Variants in ARHGEF18 observed in about 807,000 individuals in gnomAD.
The protein encoded by ARHGEF18 is rho guanine nucleotide exchange factor 18.
In ARHGEF18, 93 loss-of-function variants were observed where a neutral mutation model predicts 155.7. The observed-to-expected ratio is 0.60, with a 90% CI of 0.50 to 0.71. The LOEUF is 0.71. Ranked by LOEUF, ARHGEF18 falls within the 30% of genes least tolerant of loss-of-function variation. ARHGEF18 has a pLI of 0.00. For synonymous variants in ARHGEF18, 742 were observed against 753.1 expected (o/e 0.99, Z 0.24); for missense variants, 1,593 against 1,816.1 (o/e 0.88, Z 2.23).
downstream of ARHGEF18, among the ~76,000 whole-genome samples, chr19:7,474,199 C>T (rs987464057): frequency 3.0e-4 from 46 of 151,846 alleles, no homozygotes; most frequent in African/African-American, 1.1e-3. Flanking sequence ...ATCAGCCGGG[C>T]GTGGTGGCAA....
chr19:7,383,725 T>C (rs149180392), intron 10 of ARHGEF18, among the ~76,000 whole-genome samples: 220 of 151,430 alleles, frequency 1.5e-3, no homozygotes, highest in African/African-American at 4.9e-3. Flanking sequence ...CACACTCCAG[T>C]GTGGCCTCAG....
chr19:7,400,821 C>A (rs1339786736), intron 10 of ARHGEF18, among the ~76,000 whole-genome samples: 1 of 152,038 alleles, frequency 6.6e-6, no homozygotes, highest in Non-Finnish European at 1.5e-5. Flanking sequence ...GGCAACAGAG[C>A]AAGACCCTAT....
intron 10 of ARHGEF18, among the ~76,000 whole-genome samples, chr19:7,407,983 A>AAAAAAAAAAAAAC (rs1555711562): frequency 7.0e-6 from 1 of 141,866 alleles, no homozygotes; most frequent in African/African-American, 3.1e-5. Flanking sequence ...AAAAAAAAAA[A>AAAAAAAAAAAAAC]AAAAGAGGTA....
intron 8 of ARHGEF18, among the ~76,000 whole-genome samples, chr19:7,381,768 TGATAGGATGGG>T (rs1970756297): frequency 6.6e-6 from 1 of 152,032 alleles, no homozygotes; most frequent in African/African-American, 2.4e-5. Context: ...TCAGTTCTGG[TGATAGGATGGG>T]GACAGTATGA....
chr19:7,418,124 C>A (rs1449726644), intron 10 of ARHGEF18, among the ~76,000 whole-genome samples: 1 of 152,066 alleles, frequency 6.6e-6, no homozygotes, highest in African/African-American at 2.4e-5. Flanking sequence ...CCAGCAGCTA[C>A]GGAGGAAGTG....
In ARHGEF18 at chr19:7,455,005, A is replaced by C. The variant is rs538296258; in HGVS notation, c.2104+1290A>C. Among the ~76,000 whole-genome samples, 13 of 152,326 alleles carry C rather than the reference A, an allele frequency of 8.5e-5. No homozygotes were observed. In the East Asian group the frequency reaches 2.3e-3, roughly 27 times the overall value. On this transcript the variant is annotated intron_variant, in intron 17 of 28. Coordinates refer to ENST00000668164, the MANE Select transcript of ARHGEF18 (RefSeq NM_001367823.1). ...CAAGACCCATGTTGCAGTTCAGACC[A>C]GAGAGTGCTCAGGATTCATTCCTGG...
chr19:7,386,339 T>C (rs1214071410), intron 10 of ARHGEF18, among the ~76,000 whole-genome samples: 3 of 150,798 alleles, frequency 2.0e-5, no homozygotes, highest in Non-Finnish European at 3.0e-5. Flanking sequence ...GGGGCTGTGG[T>C]GTGGGGCCGC....
intron 16 of ARHGEF18, 96 bp downstream of exon 16, chr19:7,451,362 A>T: frequency 3.0e-6 from 3 of 993,360 alleles, no homozygotes; most frequent in Non-Finnish European, 4.4e-6. Flanking sequence ...AACTGAATAA[A>T]TTCCCTTTGA....
chr19:7,446,911 AG>A (rs201342740), intron 14 of ARHGEF18, 131 bp from the exon 15 acceptor site: 62,495 of 846,646 alleles, frequency 0.074, 2,199 homozygotes, highest in African/African-American at 0.25. Context: ...AAAAAAAAAA[AG>A]AAGAAGAAAG....
intron 10 of ARHGEF18, among the ~76,000 whole-genome samples, chr19:7,397,719 C>T (rs1366326181): frequency 1.8e-4 from 27 of 150,410 alleles, no homozygotes; most frequent in East Asian, 2.0e-4. Context: ...GGCAACAGAA[C>T]GAGATTCCAT....
At position 7,470,019 on chromosome 19, in the gene ARHGEF18, G is replaced by C. The variant is rs1415418528; in HGVS notation, c.3903G>C (p.Ala1301=). The change falls in exon 28 of 29, where the codon GCG becomes GCC. Residue 1301 remains alanine (A), a synonymous_variant. Transcript: ENST00000668164. This position sits in a 1 kb window ranked among gnomAD's most constrained non-coding sequence, Gnocchi z 5.9. ...TCCTGCCCGGCAGACACAGTCCTGC[G>C]CCCCCACCAGGTGAGCCCCCACCCC... ...SPILPGRHSP[A]PPPDPGFPAP... is the part of the protein sequence containing the mutation. 6.2e-7 allele frequency: 1 copy of C among 1,612,762 alleles called. No individual in the cohort carries two copies.
rs1202668526 is a variant in ARHGEF18, at chr19:7,471,894, C to T, written c.*1596C>T. The T allele has an allele frequency of 6.6e-6, 1 of 152,506 alleles. No homozygotes were observed. Among genetic ancestry groups the T allele is most frequent in the Non-Finnish European group, 1.5e-5 (1 of 68,132 alleles). 9.4% of individuals were successfully genotyped at this position (152,506 alleles called of 1,614,324 possible). A position where few individuals can be genotyped will look rare whatever the true frequency, so the allele number is the denominator to read the frequency against. ...CCTGGCCCCTCCGACGACCTCAACT[C>T]TGCCCAGCCCGGTCCCTGGCCATCA... On this transcript the variant is annotated 3_prime_UTR_variant, in exon 29 of 29. Coordinates refer to ENST00000668164, the MANE Select transcript of ARHGEF18 (RefSeq NM_001367823.1). This position sits in a 1 kb window ranked among gnomAD's most constrained non-coding sequence, Gnocchi z 4.4.
rs142223031 is a variant in ARHGEF18 at position 7,433,553 on chromosome 19, C to CATCACTTTG, written c.968-6789_968-6781dup. On this transcript the variant is annotated intron_variant, in intron 10 of 28. Coordinates refer to ENST00000668164, the MANE Select transcript of ARHGEF18 (RefSeq NM_001367823.1). ...AAAAAGTGTATCAGGTTTTCTTGGA[C>CATCACTTTG]ATCACTTTGAACAGGCTAGTAACTA... Among the ~76,000 whole-genome samples, 1,289 of 135,400 alleles carry CATCACTTTG rather than the reference C, an allele frequency of 9.5e-3. 22 individuals carry two copies. The highest frequency in any genetic ancestry group is 0.034 in the African/African-American group (1,240 of 36,650). The allele number at this position is 135,400 out of a possible 152,430, so 88.8% of individuals were successfully genotyped here.
rs1291771750 is a variant in ARHGEF18 at position 7,463,363 on chromosome 19, G to T, written c.2636-455G>T. ...CCACCTCTGTGCCTGGCCACAGCCT[G>T]TTGGTCCTAGAGGGCTTTCTGTAGA... On this transcript the variant is annotated intron_variant, in intron 21 of 28. Coordinates refer to ENST00000668164, the MANE Select transcript of ARHGEF18 (RefSeq NM_001367823.1). This position sits in a 1 kb window ranked among gnomAD's most constrained non-coding sequence, Gnocchi z 5.2. Among the ~76,000 whole-genome samples the T allele has an allele frequency of 6.6e-6, 1 of 152,188 alleles. No individual in the cohort carries two copies. Among genetic ancestry groups the T allele is most frequent in the African/African-American group, 2.4e-5 (1 of 41,440 alleles).
Position 7,467,515 on chromosome 19 carries a change from A to G in ARHGEF18, c.3311A>G (p.Gln1104Arg). Residue 1104 changes from glutamine (Q) to arginine (R), a missense_variant, in exon 26 of 29, where the codon CAG becomes CGG. By Grantham distance (43) the Gln-to-Arg change is conservative. Transcript: ENST00000668164. ...EARQLRERLE[Q>R]ERAELERQRQ... ...CGGCAGCTACGCGAGCGGCTGGAGC[A>G]GGAGCGGGCCGAGCTGGAGCGCCAG... 3 of 1,432,420 alleles carry G rather than the reference A, an allele frequency of 2.1e-6. No homozygotes were observed. The highest frequency in any genetic ancestry group is 1.4e-5 in the South Asian group (1 of 69,436). 88.7% of individuals were successfully genotyped at this position (1,432,420 alleles called of 1,614,324 possible).
At chr19:7,402,437 A>G (rs1972063905) in intron 10 of ARHGEF18, among the ~76,000 whole-genome samples, 1 of 152,174 alleles carries the variant, frequency 6.6e-6, no homozygotes, top group Non-Finnish European at 1.5e-5. Context: ...AAATGAATAA[A>G]TACATAAAAT....
intron 1 of ARHGEF18, among the ~76,000 whole-genome samples, chr19:7,353,968 A>AAT (rs1969220233): frequency 6.6e-6 from 1 of 150,960 alleles, no homozygotes; most frequent in African/African-American, 2.4e-5. Context: ...AAAAAAAAAA[A>AAT]AAAGAAAGAA....
intron 10 of ARHGEF18, among the ~76,000 whole-genome samples, chr19:7,419,360 C>A (rs376705804): frequency 6.9e-6 from 1 of 145,704 alleles, no homozygotes; most frequent in African/African-American, 2.5e-5. Context: ...ACCCCAGATG[C>A]GCCCACACTT....
chr19:7,358,520 A>G (rs914755697), intron 1 of ARHGEF18, among the ~76,000 whole-genome samples: 7 of 139,758 alleles, frequency 5.0e-5, no homozygotes, highest in Non-Finnish European at 1.1e-4. Flanking sequence ...ATCCTTCTAC[A>G]CATCCACCCA....
Sources: allele counts gnomAD v4.1 joint callset (sites outside exome capture counted in the v4.1 genomes callset), GRCh38; gene constraint gnomAD v4.1.1; non-coding constraint Gnocchi (gnomAD v3.1); transcripts MANE v1.5; gene names NCBI Gene and HGNC (gene_info 2026-07-23, HGNC 2026-07-21).